Variants in SSBP3 observed in about 807,000 individuals in gnomAD.
SSBP3 encodes the protein single stranded DNA binding protein 3.
SSBP3 carries 5 observed loss-of-function variants against 69.6 expected under a neutral mutation model. That is an observed-to-expected ratio of 0.07 (90% CI 0.04 to 0.15). The LOEUF is 0.15. Among genes scored for constraint, SSBP3 ranks in the 10% least tolerant of loss-of-function variants. SSBP3 has a pLI of 1.00. For missense variants in SSBP3, 312 were observed against 534.0 expected (o/e 0.58, Z 4.10); for synonymous variants, 196 against 193.4 (o/e 1.01, Z -0.11).
chr1:54,364,450 G>A (rs1022930812), intron 4 of SSBP3, among the ~76,000 whole-genome samples: 7 of 152,240 alleles, frequency 4.6e-5, no homozygotes, highest in Admixed American at 3.9e-4. Context: ...CAGTCTGCTA[G>A]AAGGACTGAG....
chr1:54,235,272 A>G (rs1570202283), intron 14 of SSBP3, among the ~76,000 whole-genome samples: 1 of 115,820 alleles, frequency 8.6e-6, no homozygotes, highest in Admixed American at 9.8e-5. Context: ...TAAGATGTCC[A>G]GTTTTTTTTT....
intron 4 of SSBP3, among the ~76,000 whole-genome samples, chr1:54,341,781 G>A (rs1488693937): frequency 3.3e-5 from 5 of 152,128 alleles, no homozygotes; most frequent in East Asian, 3.9e-4. Context: ...CCAGCGGGCC[G>A]GACAGGGTCC....
At chr1:54,319,107 G>A (rs946505349) in intron 4 of SSBP3, among the ~76,000 whole-genome samples, 26 of 152,158 alleles carry the variant, frequency 1.7e-4, no homozygotes, top group Non-Finnish European at 1.8e-4. Flanking sequence ...CCAGCCCTGA[G>A]CACTGGGGAC....
At chr1:54,263,146 T>C (rs1468073218) in intron 5 of SSBP3, among the ~76,000 whole-genome samples, 1 of 152,214 alleles carries the variant, frequency 6.6e-6, no homozygotes, top group Non-Finnish European at 1.5e-5. Context: ...AACTCCGAAG[T>C]GTGGACACTG....
intron 4 of SSBP3, among the ~76,000 whole-genome samples, chr1:54,388,001 G>A (rs1485166399): frequency 6.6e-6 from 1 of 152,122 alleles, no homozygotes; most frequent in African/African-American, 2.4e-5. Context: ...TCAAGAAGTG[G>A]CAAACACTTA....
chr1:54,228,089 C>CTT (rs1324920156), intron 17 of SSBP3, among the ~76,000 whole-genome samples, 166 bp downstream of exon 17: 2 of 152,188 alleles, frequency 1.3e-5, no homozygotes, highest in Admixed American at 6.5e-5. Context: ...CTCAGGGCAG[C>CTT]GTCAAGGCTG....
At chr1:54,383,962 C>T (rs887724344) in intron 4 of SSBP3, among the ~76,000 whole-genome samples, 24 of 152,122 alleles carry the variant, frequency 1.6e-4, no homozygotes, top group Admixed American at 3.3e-4. Flanking sequence ...AAAAATTAGC[C>T]GGGCATGGTG....
At chr1:54,395,073 G>A (rs1012592282) in intron 4 of SSBP3, among the ~76,000 whole-genome samples, 1 of 151,450 alleles carries the variant, frequency 6.6e-6, no homozygotes, top group Admixed American at 6.6e-5. Flanking sequence ...AATAAAAGGG[G>A]ATTCCCTTAT....
Position 54,258,010 on chromosome 1 carries a change from C to T in SSBP3, c.447+59G>A. 4 of 1,500,966 alleles carry T rather than the reference C, an allele frequency of 2.7e-6. No individual in the cohort carries two copies. In the South Asian group the frequency reaches 4.9e-5, roughly 18 times the overall value. The allele number at this position is 1,500,966 out of a possible 1,614,324, so 93.0% of individuals were successfully genotyped here. A position where few individuals can be genotyped will look rare whatever the true frequency, so the allele number is the denominator to read the frequency against. ...TTGATTTTTGTTTTTCCTCTGCGGG[C>T]TCTCTGCTTCCTCCGCGCCCCGCGT... is the stretch of plus-strand genomic sequence containing the variant. On this transcript the variant is annotated intron_variant, in intron 6 of 17. Transcript: ENST00000610401. The surrounding 1 kb of genome is among the most constrained non-coding windows in gnomAD (Gnocchi z 4.5).
intron 9 of SSBP3, 147 bp downstream of exon 9, chr1:54,251,469 C>T (rs913872128): frequency 1.1e-5 from 10 of 895,468 alleles, no homozygotes; most frequent in African/African-American, 3.4e-5. Flanking sequence ...CCACAGGAAG[C>T]GGACAGGAGC....
intron 4 of SSBP3, among the ~76,000 whole-genome samples, chr1:54,335,602 C>T (rs1646494618): frequency 1.3e-5 from 2 of 152,206 alleles, no homozygotes; most frequent in African/African-American, 4.8e-5. Context: ...CAGAGTTTCA[C>T]AACATTTAAA....
At chr1:54,338,321 T>C (rs1646546484) in intron 4 of SSBP3, among the ~76,000 whole-genome samples, 1 of 152,250 alleles carries the variant, frequency 6.6e-6, no homozygotes, top group Non-Finnish European at 1.5e-5. Context: ...AACTAGACTG[T>C]AAAATCCTTG....
chr1:54,228,632 G>T, intron 15 of SSBP3, 116 bp downstream of exon 15: 1 of 1,474,442 alleles, frequency 6.8e-7, no homozygotes, highest in Non-Finnish European at 9.2e-7. Flanking sequence ...GGATCGTCCT[G>T]TGTGCCCAGC....
intron 9 of SSBP3, 88 bp from the exon 10 acceptor site, chr1:54,243,387 A>T: frequency 6.8e-7 from 1 of 1,462,010 alleles, no homozygotes; most frequent in Non-Finnish European, 9.6e-7. Context: ...AAACATAGTG[A>T]GAGGGTTAGT....
At chr1:54,411,644 G>C (rs1649994132) in intron 1 of SSBP3, among the ~76,000 whole-genome samples, 1 of 151,952 alleles carries the variant, frequency 6.6e-6, no homozygotes, top group Non-Finnish European at 1.5e-5. Flanking sequence ...TGTAATCCCG[G>C]CACTTGTGGA....
intron 5 of SSBP3, among the ~76,000 whole-genome samples, chr1:54,259,071 T>C (rs553930223): frequency 7.0e-4 from 107 of 152,188 alleles, no homozygotes; most frequent in Middle Eastern, 3.4e-3. Flanking sequence ...CCCGGACTGC[T>C]GGGCGACTGG....
At chr1:54,394,695 CTTTTTTTTTTTT>C (rs544898836) in intron 4 of SSBP3, among the ~76,000 whole-genome samples, 2 of 97,132 alleles carry the variant, frequency 2.1e-5, no homozygotes, top group East Asian at 2.9e-4. Context: ...CTTAAGACTC[CTTTTTTTTTTTT>C]TTTTTTTTTT....
intron 7 of SSBP3, among the ~76,000 whole-genome samples, chr1:54,256,619 A>C (rs566372155): frequency 2.6e-5 from 4 of 151,626 alleles, no homozygotes; most frequent in Middle Eastern, 6.8e-3. Context: ...TTGCTGAAAA[A>C]CTCACAAATC....
chr1:54,252,189 G>A (rs990466542), intron 7 of SSBP3, among the ~76,000 whole-genome samples: 22 of 152,274 alleles, frequency 1.4e-4, no homozygotes, highest in African/African-American at 5.1e-4. Flanking sequence ...TCTTGCTCTG[G>A]CTGTAGCACC....
Sources: allele counts gnomAD v4.1 joint callset (sites outside exome capture counted in the v4.1 genomes callset), GRCh38; gene constraint gnomAD v4.1.1; non-coding constraint Gnocchi (gnomAD v3.1); transcripts MANE v1.5; gene names NCBI Gene and HGNC (gene_info 2026-07-23, HGNC 2026-07-21).